MYH4: variants seen among roughly 807,000 people sequenced by gnomAD.
MYH4 encodes myosin-4.
In MYH4, 200 loss-of-function variants were observed where a neutral mutation model predicts 229.9. The observed-to-expected ratio is 0.87, with a 90% CI of 0.78 to 0.98. The LOEUF is 0.98. MYH4 is among the 50% of genes least tolerant of loss of function. The pLI is 0.00. For synonymous variants in MYH4, 761 were observed against 834.6 expected, an observed-to-expected ratio of 0.91 and a Z score of 1.52; for missense variants, 2,148 against 2,332.6, an observed-to-expected ratio of 0.92 and a Z score of 1.63.
At chr17:10,448,562 A>G (rs1434778556) in intron 32 of MYH4, 42 bp from the exon 33 acceptor site, 2 of 1,610,098 alleles carry the variant, frequency 1.2e-6, no homozygotes, top group South Asian at 2.2e-5. Flanking sequence ...GTAGAAAGAA[A>G]AATTGAAAAG....
At chr17:10,466,846 T>C in intron 2 of MYH4, 62 bp from the exon 3 acceptor site, 1 of 1,443,080 alleles carries the variant, frequency 6.9e-7, no homozygotes, top group South Asian at 1.2e-5. Context: ...GTTCTGTTGA[T>C]TTCATATTAA....
In MYH4 at chr17:10,447,077, CCT is replaced by C; in HGVS notation, c.5103_5104del (p.Gly1702GlnfsTer13). The C allele has an allele frequency of 1.2e-6, 2 of 1,614,154 alleles. No homozygotes were observed. The highest frequency in any genetic ancestry group is 1.7e-6 in the Non-Finnish European group (2 of 1,180,030). On this transcript the variant is annotated frameshift_variant, in exon 35 of 40. Coordinates refer to ENST00000255381, the MANE Select transcript of MYH4 (RefSeq NM_017533.2). LOFTEE classifies it high-confidence loss of function. ...AAGCTCTTGCTCTGCCATTTTCCTGCCTCTCTCAGTCCGTTCCAGGGATGCCC... is the reference window on the plus strand; with the variant it reads ...AAGCTCTTGCTCTGCCATTTTCCTGCCTCTCAGTCCGTTCCAGGGATGCCC...
rs1202899588 is a variant in MYH4, at chr17:10,463,549, A to G, written c.741+2T>C. The stretch of plus-strand genomic sequence containing the variant: ...CAAGAAAATGAAGATCAAGAGACTT[A>G]CAAAGCGAGAGGAGTTGTCATTCCT... On this transcript the variant is annotated splice_donor_variant, in intron 8 of 39. Coordinates refer to ENST00000255381, the MANE Select transcript of MYH4 (RefSeq NM_017533.2). LOFTEE classifies it high-confidence loss of function. 1 of 1,610,800 alleles carries G rather than the reference A, an allele frequency of 6.2e-7. No homozygotes were observed. The highest frequency in any genetic ancestry group is 8.5e-7 in the Non-Finnish European group (1 of 1,177,080).
intron 38 of MYH4, 26 bp downstream of exon 38, chr17:10,444,769 C>A: frequency 6.2e-7 from 1 of 1,613,250 alleles, no homozygotes; most frequent in Admixed American, 1.7e-5. Flanking sequence ...AACTATAGGC[C>A]TGGAAGATAT....
At chr17:10,460,892 G>A (rs2142227165) in intron 12 of MYH4, 24 bp downstream of exon 12, 1 of 1,612,892 alleles carries the variant, frequency 6.2e-7, no homozygotes, top group Non-Finnish European at 8.5e-7. Flanking sequence ...TTGTCAAGTG[G>A]AAGATACCAA....
rs146122939 is a variant in MYH4 at position 10,463,107 on chromosome 17, T to C, written c.887A>G (p.Lys296Arg). The C allele has an allele frequency of 7.4e-6, 12 of 1,612,942 alleles. No individual in the cohort carries two copies. In the African/African-American group the frequency reaches 1.6e-4, roughly 21 times the overall value. Residue 296 changes from lysine (K) to arginine (R), a missense_variant, in exon 10 of 40, where the codon AAG (lysine) becomes AGG (arginine). Physicochemically the swap from Lys to Arg is conservative, Grantham distance 26. Coordinates refer to ENST00000255381, the MANE Select transcript of MYH4 (RefSeq NM_017533.2). ...TGTCTTACCAATGAGCTCTGGTTTC[T>C]TATTGGACAGGATTTGATAAAATAT... is the stretch of plus-strand genomic sequence containing the variant. ...YHIFYQILSN[K>R]KPELIEMLLI...
chr17:10,465,253 A>C (rs781100899), intron 5 of MYH4, among the ~76,000 whole-genome samples, 189 bp downstream of exon 5: 1 of 152,228 alleles, frequency 6.6e-6, no homozygotes, highest in Non-Finnish European at 1.5e-5. Context: ...TTAGCATAGA[A>C]ATCTAAGCAA....
chr17:10,462,855 T>A lies in MYH4; in HGVS notation c.1008+10A>T, dbSNP rs1420931830. ...AATTTACTTTTTACTACTTTGTACC[T>A]ATTACTTACATCTGTGGCCATCAGC... is the stretch of plus-strand genomic sequence containing the variant. On this transcript the variant is annotated intron_variant, in intron 11 of 39. Transcript: ENST00000255381. 3 of 1,605,096 alleles carry A rather than the reference T, an allele frequency of 1.9e-6. No individual in the cohort carries two copies. The highest frequency in any genetic ancestry group is 2.6e-6 in the Non-Finnish European group (3 of 1,172,980).
intron 23 of MYH4, 60 bp downstream of exon 23, chr17:10,453,583 A>T: frequency 1.2e-6 from 2 of 1,610,448 alleles, no homozygotes; most frequent in South Asian, 2.2e-5. Flanking sequence ...TAAATTTTTA[A>T]TTAAAATACT....
chr17:10,452,032 C>T lies in MYH4; in HGVS notation c.3647G>A (p.Arg1216Gln), dbSNP rs766999823. 7 of 1,613,686 alleles carry T rather than the reference C, an allele frequency of 4.3e-6. No individual in the cohort carries two copies. The highest frequency in any genetic ancestry group is 2.2e-5 in the South Asian group (2 of 91,076). ...ELGEQIDSLQ[R>Q]VKQKLEKEKS... The stretch of plus-strand genomic sequence containing the variant: ...TTCCTTCTCCAGCTTCTGCTTGACC[C>T]GCTGAAGGCTGTCAATCTGCTCCCC... The change falls in exon 27 of 40, where the codon CGG becomes CAG. Residue 1216 changes from arginine (R) to glutamine (Q), a missense_variant. By Grantham distance (43) the Arg-to-Gln change is conservative. Coordinates refer to ENST00000255381, the MANE Select transcript of MYH4 (RefSeq NM_017533.2).
intron 24 of MYH4, 47 bp from the exon 25 acceptor site, chr17:10,452,979 C>T: frequency 6.3e-7 from 1 of 1,594,478 alleles, no homozygotes; most frequent in Non-Finnish European, 8.5e-7. Flanking sequence ...AAGCACTGAA[C>T]CCTATGCTAG....
At chr17:10,457,764 T>G in intron 15 of MYH4, 35 bp from the exon 16 acceptor site, 1 of 1,586,252 alleles carries the variant, frequency 6.3e-7, no homozygotes, top group Non-Finnish European at 8.6e-7. Context: ...TAATGATGAG[T>G]CCCTCAGAAA....
intron 19 of MYH4, 129 bp downstream of exon 19, chr17:10,455,485 T>G (rs976469023): frequency 1.2e-5 from 17 of 1,379,196 alleles, no homozygotes; most frequent in East Asian, 9.4e-5. Context: ...AACCTAAGCT[T>G]CTTTCTTTTA....
intron 2 of MYH4, among the ~76,000 whole-genome samples, chr17:10,467,027 T>C (rs1295990372): frequency 1.3e-5 from 2 of 152,206 alleles, no homozygotes; most frequent in African/African-American, 2.4e-5. Flanking sequence ...TAAACCTTAG[T>C]TGAGAAATGT....
chr17:10,464,921 T>C (rs1445896873), intron 5 of MYH4, among the ~76,000 whole-genome samples: 1 of 152,254 alleles, frequency 6.6e-6, no homozygotes, highest in African/African-American at 2.4e-5. Context: ...GTATAGACTA[T>C]GTAATGCATC....
chr17:10,450,974 C>T, intron 28 of MYH4, 79 bp from the exon 29 acceptor site: 2 of 1,199,740 alleles, frequency 1.7e-6, no homozygotes, highest in African/African-American at 1.5e-5. Flanking sequence ...AACATTGTAA[C>T]CCTCTTATTT....
chr17:10,463,713 C>G, intron 7 of MYH4, 70 bp from the exon 8 acceptor site: 2 of 1,205,008 alleles, frequency 1.7e-6, no homozygotes, highest in East Asian at 4.7e-5. Flanking sequence ...ACCTCTTTCC[C>G]TTCCCCATTG....
chr17:10,460,068 T>C lies in MYH4; in HGVS notation c.1300A>G (p.Ile434Val), dbSNP rs546488856. 53 of 1,614,208 alleles carry C rather than the reference T, an allele frequency of 3.3e-5. No homozygotes were observed. The highest frequency in any genetic ancestry group is 3.0e-4 in the Admixed American group (18 of 60,028). Residue 434 changes from isoleucine to valine, a missense_variant, in exon 14 of 40, where the codon ATC becomes GTC. Coordinates refer to ENST00000255381, the MANE Select transcript of MYH4 (RefSeq NM_017533.2). ...ATCCACAGGAACATCTTCTCGTAGA[T>C]GGCTTTGGCCAGAGCACCCACTGCA... is the stretch of plus-strand genomic sequence containing the variant. Reference protein sequence around the residue: ...YNAVGALAKAIYEKMFLWMVT... With the variant: ...YNAVGALAKAVYEKMFLWMVT...
chr17:10,457,394 A>G, intron 16 of MYH4, 26 bp downstream of exon 16: 3 of 1,558,518 alleles, frequency 1.9e-6, no homozygotes, highest in Non-Finnish European at 2.6e-6. Context: ...TGACTCTTGT[A>G]ACATATTAGT....
Sources: allele counts gnomAD v4.1 joint callset (sites outside exome capture counted in the v4.1 genomes callset), GRCh38; gene constraint gnomAD v4.1.1; transcripts MANE v1.5; gene names NCBI Gene and HGNC (gene_info 2026-07-23, HGNC 2026-07-21).